Variants in KLHL8 observed in about 807,000 individuals in gnomAD.
The protein encoded by KLHL8 is kelch-like protein 8.
Under a neutral mutation model 63.5 loss-of-function variants are expected in KLHL8, and 38 were observed. That is an observed-to-expected ratio of 0.60 (90% confidence interval 0.46 to 0.78). The LOEUF is 0.78. Among genes scored for constraint, KLHL8 ranks in the 30% least tolerant of loss-of-function variants. KLHL8 has a pLI of 0.00. For synonymous variants in KLHL8, 224 were observed against 254.3 expected (o/e 0.88, Z 1.13); for missense variants, 566 against 752.4 (o/e 0.75, Z 2.90).
intron 2 of KLHL8, among the ~76,000 whole-genome samples, chr4:87,188,516 C>T (rs1260528149): frequency 2.6e-5 from 4 of 152,106 alleles, no homozygotes; most frequent in African/African-American, 9.7e-5. Flanking sequence ...TTCAAACAAA[C>T]TAAAATGTGG....
intron 1 of KLHL8, among the ~76,000 whole-genome samples, chr4:87,198,664 G>A (rs1324730020): frequency 6.6e-6 from 1 of 152,182 alleles, no homozygotes; most frequent in East Asian, 1.9e-4. Flanking sequence ...TGAGAGGAGA[G>A]GAGAGGAGTA....
chr4:87,196,386 C>T (rs1731702909), intron 1 of KLHL8, among the ~76,000 whole-genome samples: 1 of 151,970 alleles, frequency 6.6e-6, no homozygotes, highest in Non-Finnish European at 1.5e-5. Flanking sequence ...AATGCCAAAA[C>T]AGAAGGATAT....
chr4:87,171,840 C>T (rs1175613917), intron 6 of KLHL8, among the ~76,000 whole-genome samples: 1 of 152,218 alleles, frequency 6.6e-6, no homozygotes, highest in Non-Finnish European at 1.5e-5. Context: ...TCTACACTTT[C>T]TCTCCCTAAG....
At chr4:87,175,138 T>C (rs1450590016) in intron 6 of KLHL8, among the ~76,000 whole-genome samples, 3 of 152,266 alleles carry the variant, frequency 2.0e-5, no homozygotes, top group Non-Finnish European at 4.4e-5. Flanking sequence ...AACATGTTAC[T>C]GTACTAACAA....
intron 6 of KLHL8, among the ~76,000 whole-genome samples, chr4:87,174,275 A>G (rs1480205894): frequency 3.3e-5 from 5 of 150,028 alleles, no homozygotes; most frequent in Non-Finnish European, 7.4e-5. Context: ...TATATATATC[A>G]CCTGCAAGTT....
chr4:87,191,461 C>CA (rs1331442504), intron 2 of KLHL8, among the ~76,000 whole-genome samples: 1 of 152,012 alleles, frequency 6.6e-6, no homozygotes, highest in Non-Finnish European at 1.5e-5. Context: ...GACCTTGTCT[C>CA]AAAATAATAA....
At chr4:87,186,646 T>TA (rs1405305452) in intron 2 of KLHL8, among the ~76,000 whole-genome samples, 1 of 151,762 alleles carries the variant, frequency 6.6e-6, no homozygotes, top group African/African-American at 2.4e-5. Flanking sequence ...ACCCAGCTAA[T>TA]TTTTGTATTT....
chr4:87,179,586 G>A (rs1439721077), intron 4 of KLHL8, among the ~76,000 whole-genome samples: 1 of 152,060 alleles, frequency 6.6e-6, no homozygotes, highest in Non-Finnish European at 1.5e-5. Flanking sequence ...ACCAGCCTGG[G>A]CAACAGAACA....
At chr4:87,200,148 AAAAAAAAAAAAAG>A (rs1731858377) in intron 1 of KLHL8, among the ~76,000 whole-genome samples, 1 of 151,168 alleles carries the variant, frequency 6.6e-6, no homozygotes, top group African/African-American at 2.4e-5. Flanking sequence ...CAAAAAAAAA[AAAAAAAAAAAAAG>A]AAAAAAAAAA....
At chr4:87,218,163 G>C (rs573605180) in intron 1 of KLHL8, among the ~76,000 whole-genome samples, 3 of 151,890 alleles carry the variant, frequency 2.0e-5, no homozygotes, top group African/African-American at 7.3e-5. Context: ...CTTCCACTCA[G>C]TTTTGTTGTG....
chr4:87,224,074 A>T (rs71607411), upstream of KLHL8, among the ~76,000 whole-genome samples: 38,263 of 150,582 alleles, frequency 0.25, 5,277 homozygotes, highest in Non-Finnish European at 0.31. Flanking sequence ...TTTTTTTTTT[A>T]AATTTGAGAT....
At chr4:87,218,239 C>G (rs947761718) in intron 1 of KLHL8, among the ~76,000 whole-genome samples, 5 of 141,424 alleles carry the variant, frequency 3.5e-5, no homozygotes, top group Non-Finnish European at 6.0e-5. Context: ...AAAATTTACC[C>G]AACTTTTTTT....
At chr4:87,178,826 C>G (rs1451443154) in intron 4 of KLHL8, among the ~76,000 whole-genome samples, 1 of 152,134 alleles carries the variant, frequency 6.6e-6, no homozygotes, top group Non-Finnish European at 1.5e-5. Context: ...TTGCTAATGT[C>G]CCACTACAAT....
chr4:87,229,528 T>A (rs1243366894), intron 1 of KLHL8, among the ~76,000 whole-genome samples: 2 of 148,478 alleles, frequency 1.3e-5, no homozygotes, highest in Non-Finnish European at 3.0e-5. Context: ...GCCTCCCGGG[T>A]TCAAGCCATT....
At chr4:87,232,438 T>C (rs1733151654) in intron 1 of KLHL8, among the ~76,000 whole-genome samples, 1 of 152,244 alleles carries the variant, frequency 6.6e-6, no homozygotes, top group African/African-American at 2.4e-5. Context: ...TGTTGATGGA[T>C]ACTTGGATTA....
intron 1 of KLHL8, among the ~76,000 whole-genome samples, chr4:87,236,596 C>A (rs1005519287): frequency 6.6e-6 from 1 of 150,378 alleles, no homozygotes; most frequent in Admixed American, 6.6e-5. Context: ...CTGAAAATTT[C>A]ATTACAGCCC....
intron 3 of KLHL8, among the ~76,000 whole-genome samples, chr4:87,184,830 A>G (rs992250741): frequency 9.2e-5 from 14 of 152,214 alleles, no homozygotes; most frequent in Non-Finnish European, 1.6e-4. Flanking sequence ...GGTTGTTTAC[A>G]TAATAAATCT....
chr4:87,195,818 G>T, intron 1 of KLHL8, 128 bp from the exon 2 acceptor site: 2 of 264,156 alleles, frequency 7.6e-6, no homozygotes, highest in East Asian at 7.3e-5. Flanking sequence ...CAAAAACTTT[G>T]TTTTTATGCT....
intron 1 of KLHL8, chr4:87,207,992 TC>T: frequency 1.4e-6 from 1 of 735,746 alleles, no homozygotes; most frequent in Non-Finnish European, 2.5e-6. Flanking sequence ...GGCATTGCCC[TC>T]AACAACCACT....
Sources: allele counts gnomAD v4.1 joint callset (sites outside exome capture counted in the v4.1 genomes callset), GRCh38; gene constraint gnomAD v4.1.1; transcripts MANE v1.5; gene names NCBI Gene and HGNC (gene_info 2026-07-23, HGNC 2026-07-21).